Variants in DPY19L4 observed in about 807,000 individuals in gnomAD.
DPY19L4 encodes probable C-mannosyltransferase DPY19L4.
DPY19L4 carries 97 observed loss-of-function variants against 102.8 expected under a neutral mutation model. The ratio of observed to expected loss-of-function variants is 0.94; its 90% CI spans 0.80 to 1.12. DPY19L4 has a LOEUF of 1.12. Ranked by LOEUF, DPY19L4 falls within the 50% of genes most tolerant of loss-of-function variation. The pLI, the probability that DPY19L4 is intolerant of heterozygous loss-of-function variation, is 0.00. For missense variants in DPY19L4, 815 were observed against 850.4 expected (o/e 0.96, Z 0.52); for synonymous variants, 252 against 283.1 (o/e 0.89, Z 1.10).
At position 94,781,056 on chromosome 8, in the gene DPY19L4, A is replaced by ATTT. The variant is rs36116205; in HGVS notation, c.1633-12_1633-10dup. On this transcript the variant is annotated intron_variant, in intron 15 of 18. Transcript: ENST00000414645. ...AATTACTGACATACATCTTTTGGGG[A>ATTT]TTTTTTTTTTTTTTTTTTGCATTTT... 8.9e-3 allele frequency: 10,689 copies of ATTT among 1,198,632 alleles called. 302 individuals carry two copies. The African/African-American group carries it at 0.095, about 11-fold the overall frequency. 74.2% of individuals were successfully genotyped at this position (1,198,632 alleles called of 1,614,324 possible).
intron 9 of DPY19L4, 48 bp downstream of exon 9, chr8:94,765,362 TG>T: frequency 3.3e-6 from 5 of 1,521,026 alleles, no homozygotes; most frequent in Non-Finnish European, 4.5e-6. Flanking sequence ...TTTTTTTTTT[TG>T]AAGTGGAGTC....
intron 1 of DPY19L4, 49 bp downstream of exon 1, chr8:94,720,063 A>C (rs986136680): frequency 8.6e-6 from 13 of 1,511,154 alleles, no homozygotes; most frequent in Non-Finnish European, 1.2e-5. Context: ...TGGTCTCGGG[A>C]AGGAGGGGCG....
intron 10 of DPY19L4, among the ~76,000 whole-genome samples, 156 bp from the exon 11 acceptor site, chr8:94,766,456 C>A (rs1475295385): frequency 1.3e-5 from 2 of 152,172 alleles, no homozygotes; most frequent in Non-Finnish European, 2.9e-5. Flanking sequence ...TGATTTATGT[C>A]AGTAAATCTC....
At chr8:94,728,532 AG>A (rs1228107319) in intron 2 of DPY19L4, among the ~76,000 whole-genome samples, 2 of 152,220 alleles carry the variant, frequency 1.3e-5, no homozygotes, top group African/African-American at 4.8e-5. Flanking sequence ...CTAAAAGTTG[AG>A]GCCTATATAT....
chr8:94,738,348 A>C (rs201216457), intron 3 of DPY19L4, 21 bp from the exon 4 acceptor site: 1 of 1,402,002 alleles, frequency 7.1e-7, no homozygotes, highest in East Asian at 2.7e-5. Flanking sequence ...AATTTTAAAT[A>C]ATAATTTCAT....
chr8:94,737,905 T>C (rs1384773840), intron 3 of DPY19L4, among the ~76,000 whole-genome samples: 2 of 152,112 alleles, frequency 1.3e-5, no homozygotes, highest in African/African-American at 4.8e-5. Context: ...CATGTGCCTG[T>C]AGTCCTAGCT....
At chr8:94,764,689 G>GTGTGTGTATATATATATA (rs1415377058) in intron 8 of DPY19L4, among the ~76,000 whole-genome samples, 20 of 43,200 alleles carry the variant, frequency 4.6e-4, no homozygotes, top group African/African-American at 2.3e-3. Flanking sequence ...GTCTGTGTGT[G>GTGTGTGTATATATATATA]TATATATATA....
intron 8 of DPY19L4, among the ~76,000 whole-genome samples, chr8:94,764,513 T>C (rs2130883759): frequency 6.7e-6 from 1 of 148,606 alleles, no homozygotes; most frequent in East Asian, 2.0e-4. Context: ...GAGGCAGAGC[T>C]TGCAGTCAGC....
intron 13 of DPY19L4, among the ~76,000 whole-genome samples, chr8:94,774,006 A>T (rs951377484): frequency 6.8e-6 from 1 of 147,532 alleles, no homozygotes; most frequent in Non-Finnish European, 1.5e-5. Context: ...CTGCACTCCA[A>T]TCTGTGTGAC....
intron 13 of DPY19L4, among the ~76,000 whole-genome samples, chr8:94,775,315 G>A (rs1178535188): frequency 6.6e-6 from 1 of 151,988 alleles, no homozygotes; most frequent in African/African-American, 2.4e-5. Context: ...GGGATTACAG[G>A]CATGTGCCAC....
At chr8:94,767,448 C>T (rs1812726520) in intron 11 of DPY19L4, among the ~76,000 whole-genome samples, 2 of 152,018 alleles carry the variant, frequency 1.3e-5, no homozygotes, top group South Asian at 4.2e-4. Flanking sequence ...CACCCGCTAC[C>T]ATGCCCGGCT....
rs773310154 is a variant in DPY19L4 at position 94,788,637 on chromosome 8, A to ACG, written c.2007+587_2007+588dup. On this transcript the variant is annotated intron_variant, in intron 18 of 18. Coordinates refer to ENST00000414645, the MANE Select transcript of DPY19L4 (RefSeq NM_181787.3). ...TCCACAAGAAGACCACCTAAGACTGACGCACGCGCGCGCGCATGTGTCTTC... is the reference window on the plus strand; with the variant it reads ...TCCACAAGAAGACCACCTAAGACTGACGCGCACGCGCGCGCGCATGTGTCTTC... Among the ~76,000 whole-genome samples the ACG allele has an allele frequency of 1.4e-4, 12 of 84,930 alleles. No individual in the cohort carries two copies. In the South Asian group the frequency reaches 1.6e-3, roughly 12 times the overall value. The allele number at this position is 84,930 out of a possible 152,430, so 55.7% of individuals were successfully genotyped here. A position where few individuals can be genotyped will look rare whatever the true frequency, so the allele number is the denominator to read the frequency against.
rs1240950340 is a variant in DPY19L4 at position 94,764,645 on chromosome 8, ATATGTATG to A, written c.871-525_871-518del. 2.2e-5 allele frequency among the ~76,000 whole-genome samples: 3 copies of A among 134,572 alleles called. No individual in the cohort carries two copies. In the South Asian group the frequency reaches 7.0e-4, roughly 31 times the overall value. 88.3% of individuals were successfully genotyped at this position (134,572 alleles called of 152,430 possible). On this transcript the variant is annotated intron_variant, in intron 8 of 18. Coordinates refer to ENST00000414645, the MANE Select transcript of DPY19L4 (RefSeq NM_181787.3). ...TATTTTATACATATATATTATATATATATGTATGTATGTATGTATGCGTGTGTGTGTGT... is the reference window on the plus strand; with the variant it reads ...TATTTTATACATATATATTATATATATATGTATGTATGCGTGTGTGTGTGT...
chr8:94,755,754 G>A (rs984832986), intron 6 of DPY19L4, among the ~76,000 whole-genome samples: 1 of 152,102 alleles, frequency 6.6e-6, no homozygotes, highest in African/African-American at 2.4e-5. Context: ...GTGTGGTGAC[G>A]CGCGCCTGTA....
chr8:94,761,895 C>A (rs1812409355), intron 8 of DPY19L4, 61 bp downstream of exon 8: 1 of 1,495,402 alleles, frequency 6.7e-7, no homozygotes, highest in Non-Finnish European at 8.9e-7. Context: ...AGCATTGTAT[C>A]TTAAAACCTC....
Position 94,792,255 on chromosome 8 carries a change from G to T in DPY19L4, c.*2345G>T, listed in dbSNP as rs1037047021. 3 of 151,630 alleles carry T rather than the reference G, an allele frequency of 2.0e-5. No individual in the cohort carries two copies. Among genetic ancestry groups the T allele is most frequent in the African/African-American group, 7.3e-5 (3 of 41,276 alleles). The allele number at this position is 151,630 out of a possible 1,614,324, so 9.4% of individuals were successfully genotyped here. ...TATTATTTTTTATTTTTTTGAGATG[G>T]AGTTTCACTCTTGTCTCCCAGGCTG... On this transcript the variant is annotated 3_prime_UTR_variant, in exon 19 of 19. Coordinates refer to ENST00000414645, the MANE Select transcript of DPY19L4 (RefSeq NM_181787.3).
rs188361987 is a variant in DPY19L4, at chr8:94,733,655, C to T, written c.128-975C>T. Among the ~76,000 whole-genome samples, 522 of 152,142 alleles carry T rather than the reference C, an allele frequency of 3.4e-3. 1 individual carries two copies. The highest frequency in any genetic ancestry group is 5.1e-3 in the Non-Finnish European group (344 of 68,010). On this transcript the variant is annotated intron_variant, in intron 2 of 18. Coordinates refer to ENST00000414645, the MANE Select transcript of DPY19L4 (RefSeq NM_181787.3). ...CTCCCAGGTTCAAGTGATTCTCCTG[C>T]CTCAGCCTCCCGAGTAGCTGGGATT...
intron 13 of DPY19L4, among the ~76,000 whole-genome samples, chr8:94,777,153 G>A (rs991644705): frequency 2.0e-5 from 3 of 151,778 alleles, no homozygotes; most frequent in Non-Finnish European, 4.4e-5. Context: ...TGCAACCTCT[G>A]CCTCCCAGGC....
rs1812778688 is a variant in DPY19L4, at chr8:94,768,493, A to G, written c.1274A>G (p.Tyr425Cys). The change falls in exon 12 of 19, where the codon TAC becomes TGC. Residue 425 changes from tyrosine to cysteine, a missense_variant. By Grantham distance (194) the Tyr-to-Cys change is radical. Coordinates refer to ENST00000414645, the MANE Select transcript of DPY19L4 (RefSeq NM_181787.3). ...RLTQSSLLPF[Y>C]ILVLIICFLS... Reference sequence around the variant, plus strand: ...ACACAGTCTTCTTTATTACCTTTCTACATTCTAGTGTTAATTATTTGTTTT... The same window carrying G: ...ACACAGTCTTCTTTATTACCTTTCTGCATTCTAGTGTTAATTATTTGTTTT... 9 of 1,591,316 alleles carry G rather than the reference A, an allele frequency of 5.7e-6. No homozygotes were observed. The highest frequency in any genetic ancestry group is 6.9e-6 in the Non-Finnish European group (8 of 1,162,666).
Sources: gnomAD v4.1 joint callset for allele counts (sites outside exome capture counted in the v4.1 genomes callset) on GRCh38, gnomAD v4.1.1 for gene constraint, MANE v1.5 for transcripts, NCBI Gene and HGNC (gene_info 2026-07-23, HGNC 2026-07-21) for gene names.